Variants in ECE1 observed in about 807,000 individuals in gnomAD.
The protein encoded by ECE1 is endothelin converting enzyme 1, also known as endothelin-converting enzyme 1.
ECE1 carries 35 observed loss-of-function variants against 98.6 expected under a neutral mutation model. The ratio of observed to expected loss-of-function variants is 0.35; its 90% confidence interval spans 0.27 to 0.47. The LOEUF (loss-of-function observed/expected upper bound fraction) is 0.47, where lower values mean the gene tolerates loss of function less well. Among genes scored for constraint, ECE1 ranks in the 20% least tolerant of loss-of-function variants. The probability of loss-of-function intolerance (pLI) is 1.00; values close to 1 mark genes in which losing one functional copy is unlikely to be tolerated. For synonymous variants in ECE1, 394 were observed against 407.1 expected (o/e 0.97, Z 0.39); for missense variants, 814 against 1,025.3 (o/e 0.79, Z 2.81).
intron 1 of ECE1, among the ~76,000 whole-genome samples, chr1:21,332,744 GGGGA>G (rs1558437279): frequency 1.9e-5 from 1 of 53,370 alleles, no homozygotes; most frequent in African/African-American, 8.0e-5. Context: ...GGGGAGGGGA[GGGGA>G]GGGGAGGGGG....
intron 13 of ECE1, among the ~76,000 whole-genome samples, chr1:21,234,779 C>T (rs1450851972): frequency 2.0e-5 from 3 of 152,218 alleles, no homozygotes; most frequent in African/African-American, 4.8e-5. Context: ...GCGCCTGGCT[C>T]AGCTCTTGAC....
At chr1:21,241,903 A>AT (rs1299562449) in intron 10 of ECE1, among the ~76,000 whole-genome samples, 1 of 152,140 alleles carries the variant, frequency 6.6e-6, no homozygotes, top group Non-Finnish European at 1.5e-5. Flanking sequence ...CAGGAGATCT[A>AT]TGAGTCAGGT....
chr1:21,324,928 C>T (rs144351311), intron 1 of ECE1, among the ~76,000 whole-genome samples: 2 of 152,270 alleles, frequency 1.3e-5, no homozygotes, highest in Non-Finnish European at 2.9e-5. Flanking sequence ...CCACCTGGAG[C>T]CTGCAAGAAA....
At position 21,258,742 on chromosome 1, in the gene ECE1, GAGA is replaced by G; in HGVS notation, c.710_712del (p.Phe237del). Reference sequence around the variant, plus strand: ...CTTGGAATCGGCACTGACATAGACAGAGAAGAAGGGTGAGGTGCGGTAGTGGGC... The same window carrying G: ...CTTGGAATCGGCACTGACATAGACAGAGAAGGGTGAGGTGCGGTAGTGGGC... On this transcript the variant is annotated inframe_deletion, in exon 6 of 19. Coordinates refer to ENST00000374893, the MANE Select transcript of ECE1 (RefSeq NM_001397.3). The surrounding 1 kb of genome is among the most constrained non-coding windows in gnomAD (Gnocchi z 4.2). 6.2e-7 allele frequency: 1 copy of G among 1,614,240 alleles called. No individual in the cohort carries two copies. The highest frequency in any genetic ancestry group is 8.5e-7 in the Non-Finnish European group (1 of 1,180,038).
At chr1:21,324,793 T>G (rs1639040853) in intron 1 of ECE1, among the ~76,000 whole-genome samples, 1 of 152,130 alleles carries the variant, frequency 6.6e-6, no homozygotes, top group Admixed American at 6.6e-5. Context: ...TAGTGGAGTG[T>G]GCCAGCCTCT....
At chr1:21,277,638 C>T (rs2098249095) in intron 3 of ECE1, among the ~76,000 whole-genome samples, 1 of 152,170 alleles carries the variant, frequency 6.6e-6, no homozygotes, top group African/African-American at 2.4e-5. Context: ...AAGGCTGTTC[C>T]CAGCCTGATC....
intron 2 of ECE1, chr1:21,279,598 G>C (rs2098252024): frequency 1.4e-6 from 2 of 1,433,938 alleles, no homozygotes; most frequent in Non-Finnish European, 1.8e-6. Flanking sequence ...CTCGATATGA[G>C]TGGAAGGAAA....
rs1012485007 is a variant in ECE1 at position 21,233,972 on chromosome 1, A to G, written c.1567-311T>C. Among the ~76,000 whole-genome samples the G allele has an allele frequency of 2.0e-5, 3 of 151,954 alleles. No individual in the cohort carries two copies. Among genetic ancestry groups the G allele is most frequent in the Admixed American group, 6.6e-5 (1 of 15,262 alleles). On this transcript the variant is annotated intron_variant, in intron 13 of 18. Coordinates refer to ENST00000374893, the MANE Select transcript of ECE1 (RefSeq NM_001397.3). The surrounding 1 kb of genome is among the most constrained non-coding windows in gnomAD (Gnocchi z 4.0). ...ATGCCTGCGCTGTCCAGTATGGCAG[A>G]CTACTAAGCATTTCTTTCTTTCTTT...
intron 2 of ECE1, among the ~76,000 whole-genome samples, chr1:21,281,250 G>A (rs2098254191): frequency 6.6e-6 from 1 of 151,526 alleles, no homozygotes; most frequent in African/African-American, 2.4e-5. Flanking sequence ...TTGGGGCTTA[G>A]AGACACTTCC....
intron 9 of ECE1, among the ~76,000 whole-genome samples, chr1:21,245,852 G>GA (rs35456701): frequency 6.6e-6 from 1 of 151,988 alleles, no homozygotes; most frequent in African/African-American, 2.4e-5. Context: ...ATGATAATGG[G>GA]AAAAAAAGAC....
In ECE1 at chr1:21,289,958, G is replaced by A. The variant is rs1284672043; in HGVS notation, c.138+112C>T. 1.6e-5 allele frequency: 20 copies of A among 1,222,508 alleles called. No homozygotes were observed. In the Admixed American group the frequency reaches 4.2e-4, roughly 26 times the overall value. The allele number at this position is 1,222,508 out of a possible 1,614,324, so 75.7% of individuals were successfully genotyped here. A position where few individuals can be genotyped will look rare whatever the true frequency, so the allele number is the denominator to read the frequency against. ...CCCTCCCGGATGCCGGGACGAGGGA[G>A]GGGAAGGGAGGGGAAGAGGCGGGGT... On this transcript the variant is annotated intron_variant, in intron 2 of 18. Coordinates refer to ENST00000374893, the MANE Select transcript of ECE1 (RefSeq NM_001397.3).
At chr1:21,334,364 G>A (rs1253721287) in intron 1 of ECE1, among the ~76,000 whole-genome samples, 1 of 152,222 alleles carries the variant, frequency 6.6e-6, no homozygotes, top group Non-Finnish European at 1.5e-5. Flanking sequence ...TGAACACTCA[G>A]GGGCGAAGGA....
At chr1:21,237,750 T>C (rs968728549) in intron 11 of ECE1, among the ~76,000 whole-genome samples, 4 of 152,164 alleles carry the variant, frequency 2.6e-5, no homozygotes, top group Non-Finnish European at 4.4e-5. Flanking sequence ...CGCTCTGCCA[T>C]GGCACTCCTC....
intron 3 of ECE1, among the ~76,000 whole-genome samples, chr1:21,273,729 G>A (rs971515165): frequency 5.3e-5 from 8 of 152,170 alleles, no homozygotes; most frequent in Admixed American, 3.3e-4. Context: ...TTGGGAGGCC[G>A]ACTTAATCAC....
At chr1:21,278,417 G>C (rs904761076) in intron 3 of ECE1, among the ~76,000 whole-genome samples, 1 of 152,230 alleles carries the variant, frequency 6.6e-6, no homozygotes, top group Non-Finnish European at 1.5e-5. Context: ...CAAGGAACAC[G>C]ATGGGCAGCT....
chr1:21,284,084 C>T (rs904144277), intron 2 of ECE1, among the ~76,000 whole-genome samples: 4 of 152,268 alleles, frequency 2.6e-5, no homozygotes, highest in East Asian at 1.9e-4. Context: ...GTCAGGGCAC[C>T]GATCTGCTTC....
At chr1:21,232,310 T>A (rs1020230941) in intron 14 of ECE1, among the ~76,000 whole-genome samples, 2 of 151,948 alleles carry the variant, frequency 1.3e-5, no homozygotes, top group African/African-American at 4.8e-5. Flanking sequence ...CTTTCTTTCT[T>A]TTTTTTCAGG....
intron 3 of ECE1, among the ~76,000 whole-genome samples, chr1:21,276,273 G>A (rs966400835): frequency 6.6e-6 from 1 of 151,962 alleles, no homozygotes; most frequent in Non-Finnish European, 1.5e-5. Context: ...TGATCCACCC[G>A]CCTCGGCCTC....
upstream of ECE1, among the ~76,000 whole-genome samples, chr1:21,291,168 A>G (rs1179815187): frequency 6.6e-6 from 1 of 151,530 alleles, no homozygotes; most frequent in African/African-American, 2.4e-5. Flanking sequence ...CTCTCCTATA[A>G]CCCTAGGCAG....
Sources: gnomAD v4.1 joint callset for allele counts (sites outside exome capture counted in the v4.1 genomes callset) on GRCh38, gnomAD v4.1.1 for gene constraint, Gnocchi (gnomAD v3.1) non-coding constraint, MANE v1.5 for transcripts, NCBI Gene and HGNC (gene_info 2026-07-23, HGNC 2026-07-21) for gene names.